Variants in TMEM235 observed in about 807,000 individuals in gnomAD.
TMEM235 encodes transmembrane protein 235.
A neutral mutation model predicts 22.9 loss-of-function variants in TMEM235; 23 were observed. That is an observed-to-expected ratio of 1.00 (90% CI 0.72 to 1.42). The LOEUF is 1.42. TMEM235 is among the 40% of genes most tolerant of loss of function. The pLI, the probability that TMEM235 is intolerant of heterozygous loss-of-function variation, is 0.00. For synonymous variants in TMEM235, 137 were observed against 140.5 expected, an observed-to-expected ratio of 0.98 and a Z score of 0.17; for missense variants, 308 against 299.5, an observed-to-expected ratio of 1.03 and a Z score of -0.21.
chr17:78,232,267 C>T, intron 2 of TMEM235, 54 bp downstream of exon 1: 1 of 1,378,116 alleles, frequency 7.3e-7, no homozygotes, highest in South Asian at 1.6e-5. Flanking sequence ...CCCTCCGACA[C>T]CCCCTTAACC....
intron 5 of TMEM235, among the ~76,000 whole-genome samples, chr17:78,239,516 T>TA (rs2076685555): frequency 6.6e-6 from 1 of 152,024 alleles, no homozygotes; most frequent in African/African-American, 2.4e-5. Flanking sequence ...AACCGCCTCT[T>TA]AGAGATGAGA....
intron 4 of TMEM235, among the ~76,000 whole-genome samples, chr17:78,236,575 C>T (rs1400708907): frequency 6.6e-6 from 1 of 152,244 alleles, no homozygotes; most frequent in Non-Finnish European, 1.5e-5. Context: ...CCCACTGGTG[C>T]TGTCTCCTCA....
intron 4 of TMEM235, among the ~76,000 whole-genome samples, chr17:78,236,140 C>G (rs750132280): frequency 6.6e-6 from 1 of 152,220 alleles, no homozygotes; most frequent in Non-Finnish European, 1.5e-5. Flanking sequence ...GAGCCTGGGA[C>G]AGGGAGGAGC....
chr17:78,232,008 C>T (rs1373279351), exon 2 of TMEM235: 1 of 1,263,520 alleles, frequency 7.9e-7, no homozygotes, highest in African/African-American at 1.6e-5. Context: ...CCCGTCCCCT[C>T]CCGCCGGCCG....
chr17:78,234,208 C>T (rs1472458523), intron 3 of TMEM235: 10 of 701,000 alleles, frequency 1.4e-5, no homozygotes, highest in South Asian at 1.2e-4. Flanking sequence ...GGTGATGGCT[C>T]ATCCCTTTGT....
chr17:78,232,407 G>C (rs1442580332), intron 2 of TMEM235, among the ~76,000 whole-genome samples, 194 bp downstream of exon 1: 1 of 152,196 alleles, frequency 6.6e-6, no homozygotes, highest in Non-Finnish European at 1.5e-5. Context: ...CAGCCCAAGG[G>C]CTACAGGAGG....
intron 4 of TMEM235, 139 bp downstream of exon 3, chr17:78,234,869 G>C: frequency 4.5e-6 from 5 of 1,122,240 alleles, no homozygotes; most frequent in Non-Finnish European, 6.2e-6. Flanking sequence ...TGGAGCCGTG[G>C]CAGGCAGCTC....
chr17:78,235,937 AACTC>A (rs980174474), intron 4 of TMEM235, among the ~76,000 whole-genome samples: 2 of 152,148 alleles, frequency 1.3e-5, no homozygotes, highest in East Asian at 1.9e-4. Flanking sequence ...CAGATCTCAG[AACTC>A]ACTCACTATC....
At position 78,238,550 on chromosome 17, in the gene TMEM235, C is replaced by CTGTGTGTGTG. The variant is rs55893266; in HGVS notation, c.410-447_410-438dup. 6.1e-3 allele frequency among the ~76,000 whole-genome samples: 849 copies of CTGTGTGTGTG among 138,288 alleles called. 8 individuals are homozygous for CTGTGTGTGTG. The highest frequency in any genetic ancestry group is 8.3e-3 in the Admixed American group (115 of 13,898). The allele number at this position is 138,288 out of a possible 152,430, so 90.7% of individuals were successfully genotyped here. The stretch of plus-strand genomic sequence containing the variant: ...GCTGCTGCCAGCAGAGGCCATGGCT[C>CTGTGTGTGTG]TGTGTGTGTGTGTGTGTGTGTGTGT... On this transcript the variant is annotated intron_variant, in intron 4 of 5. Transcript: ENST00000421688. This position sits in a 1 kb window ranked among gnomAD's most constrained non-coding sequence, Gnocchi z 4.3.
At chr17:78,233,744 C>G (rs1191096085) in intron 2 of TMEM235, 151 bp from the exon 2 acceptor site, 8 of 618,764 alleles carry the variant, frequency 1.3e-5, no homozygotes, top group African/African-American at 3.8e-5. Flanking sequence ...AGGTCTTGGG[C>G]CTTTTCATCC....
rs1056434145 is a variant in TMEM235 at position 78,238,213 on chromosome 17, A to G, written c.410-811A>G. 3.3e-5 allele frequency among the ~76,000 whole-genome samples: 5 copies of G among 152,184 alleles called. No individual in the cohort carries two copies. Among genetic ancestry groups the G allele is most frequent in the Admixed American group, 2.0e-4 (3 of 15,278 alleles). ...CCTGGAGGCATGGGCCGAGTCCCCT[A>G]CCTAGCTCGTTGCTGGACCCTGAAC... On this transcript the variant is annotated intron_variant, in intron 4 of 5. Transcript: ENST00000421688. The surrounding 1 kb of genome is among the most constrained non-coding windows in gnomAD (Gnocchi z 4.3).
intron 2 of TMEM235, among the ~76,000 whole-genome samples, chr17:78,233,556 A>G (rs972164129): frequency 6.6e-6 from 1 of 152,130 alleles, no homozygotes; most frequent in Non-Finnish European, 1.5e-5. Flanking sequence ...TTAGCCGGGC[A>G]CGGTGGCGGG....
chr17:78,233,944 G>A (rs9894186), exon 3 of TMEM235: 114,889 of 1,534,662 alleles, frequency 0.075, 5,091 homozygotes, highest in African/African-American at 0.17. Context: ...GTGAGAGCCT[G>A]GACGTCTCCA....
chr17:78,236,838 C>T (rs2076649707), intron 4 of TMEM235, among the ~76,000 whole-genome samples: 1 of 152,184 alleles, frequency 6.6e-6, no homozygotes, highest in Non-Finnish European at 1.5e-5. Context: ...AACCAGCAGC[C>T]TTGGTATTGG....
At chr17:78,231,725 G>C in exon 2 of TMEM235, 2 of 1,250,852 alleles carry the variant, frequency 1.6e-6, no homozygotes, top group Non-Finnish European at 2.1e-6. Context: ...AGGGACCCGG[G>C]GCCAGCCCGT....
At position 78,231,686 on chromosome 17, in the gene TMEM235, G is replaced by A. The variant is rs1040928656; in HGVS notation, c.-338G>A. ...ATCTTGTTTGGCTGCTGAGGAGCCG[G>A]GGGTTCAGGGAAATTAAGGAACGTG... On this transcript the variant is annotated 5_prime_UTR_variant, in exon 2 of 6. Coordinates refer to ENST00000421688, the Ensembl canonical transcript of TMEM235. 1.0e-5 allele frequency: 13 copies of A among 1,287,896 alleles called. No individual in the cohort carries two copies. The Admixed American group carries it at 2.9e-4, about 29-fold the overall frequency. The allele number at this position is 1,287,896 out of a possible 1,614,324, so 79.8% of individuals were successfully genotyped here. A position where few individuals can be genotyped will look rare whatever the true frequency, so the allele number is the denominator to read the frequency against.
intron 4 of TMEM235, among the ~76,000 whole-genome samples, chr17:78,236,233 C>G (rs140564394): frequency 6.6e-6 from 1 of 152,048 alleles, no homozygotes; most frequent in Middle Eastern, 3.2e-3. Flanking sequence ...TCAGATCATG[C>G]GGGGGGGCCT....
chr17:78,234,200 T>C lies in TMEM235; in HGVS notation c.271+225T>C, dbSNP rs148485703. The C allele has an allele frequency of 3.7e-3, 2,600 of 702,044 alleles. 58 individuals are homozygous for C. In the African/African-American group the frequency reaches 0.04, roughly 11 times the overall value. 43.5% of individuals were successfully genotyped at this position (702,044 alleles called of 1,614,324 possible). A position where few individuals can be genotyped will look rare whatever the true frequency, so the allele number is the denominator to read the frequency against. The stretch of plus-strand genomic sequence containing the variant: ...CCTGTCTCAGTTTCCCTCTCAGTGG[T>C]GATGGCTCATCCCTTTGTTATTGGG... On this transcript the variant is annotated intron_variant, in intron 3 of 5. Transcript: ENST00000421688.
At position 78,233,983 on chromosome 17, in the gene TMEM235, C is replaced by G; in HGVS notation, c.271+8C>G. On this transcript the variant is annotated splice_region_variant and intron_variant, in intron 3 of 5. Coordinates refer to ENST00000421688, the Ensembl canonical transcript of TMEM235. ...CGGTGCAGCACCTCATCTGTGAGTC[C>G]TGGGTGGGGCCACCTCCCCATCCTT... is the stretch of plus-strand genomic sequence containing the variant. 6.6e-7 allele frequency: 1 copy of G among 1,515,784 alleles called. No individual in the cohort carries two copies. The highest frequency in any genetic ancestry group is 8.8e-7 in the Non-Finnish European group (1 of 1,135,858). The allele number at this position is 1,515,784 out of a possible 1,614,324, so 93.9% of individuals were successfully genotyped here. A position where few individuals can be genotyped will look rare whatever the true frequency, so the allele number is the denominator to read the frequency against.
Sources: gnomAD v4.1 joint callset for allele counts (sites outside exome capture counted in the v4.1 genomes callset) on GRCh38, gnomAD v4.1.1 for gene constraint, Gnocchi (gnomAD v3.1) non-coding constraint, MANE v1.5 for transcripts, NCBI Gene and HGNC (gene_info 2026-07-23, HGNC 2026-07-21) for gene names.